ZNF565: variants seen among roughly 807,000 people sequenced by gnomAD.
The protein encoded by ZNF565 is zinc finger protein 565.
ZNF565 carries 27 observed loss-of-function variants against 39.4 expected under a neutral mutation model. That is an observed-to-expected ratio of 0.69 (90% confidence interval 0.51 to 0.95). The LOEUF (loss-of-function observed/expected upper bound fraction) is 0.95, where lower values mean the gene tolerates loss of function less well. Ranked by LOEUF, ZNF565 falls within the 40% of genes least tolerant of loss-of-function variation. ZNF565 has a pLI of 0.00. For synonymous variants in ZNF565, 185 were observed against 216.6 expected, an observed-to-expected ratio of 0.85 and a Z score of 1.28; for missense variants, 524 against 621.1, an observed-to-expected ratio of 0.84 and a Z score of 1.66.
Position 36,182,629 on chromosome 19 carries a change from G to C in ZNF565, c.1337C>G (p.Pro446Arg). The change falls in exon 5 of 5, where the codon CCC becomes CGC. Residue 446 changes from proline (P) to arginine (R), a missense_variant. Coordinates refer to ENST00000304116, the MANE Select transcript of ZNF565 (RefSeq NM_152477.5). ...HHQRIHTCEK[P>R]YECRECGMAF... ...CATTCCACACTCCCTGCATTCATAG[G>C]GTTTCTCACAAGTGTGAATTCGCTG... 1 of 1,614,088 alleles carries C rather than the reference G, an allele frequency of 6.2e-7. No homozygotes were observed. The highest frequency in any genetic ancestry group is 8.5e-7 in the Non-Finnish European group (1 of 1,179,972).
At chr19:36,223,361 A>T (rs1273271056) in intron 1 of ZNF565, among the ~76,000 whole-genome samples, 2 of 150,764 alleles carry the variant, frequency 1.3e-5, no homozygotes. Context: ...AAAAAAATCT[A>T]GTTACATTTT....
At chr19:36,222,017 A>G (rs775889530) in intron 1 of ZNF565, among the ~76,000 whole-genome samples, 3 of 147,562 alleles carry the variant, frequency 2.0e-5, no homozygotes, top group Non-Finnish European at 3.0e-5. Flanking sequence ...GCAGCCTCCA[A>G]CTGCTGGGCT....
chr19:36,237,762 T>A (rs1977698655), intron 1 of ZNF565: 2 of 167,446 alleles, frequency 1.2e-5, no homozygotes, highest in African/African-American at 4.8e-5. Flanking sequence ...AAAAAAGACC[T>A]ATGCATTTAT....
At chr19:36,221,819 C>A (rs1976852863) in intron 1 of ZNF565, among the ~76,000 whole-genome samples, 1 of 151,686 alleles carries the variant, frequency 6.6e-6, no homozygotes, top group Non-Finnish European at 1.5e-5. Context: ...TCTCTTCACT[C>A]CTGTTTCCCT....
At chr19:36,213,309 C>T (rs1013315676) in intron 1 of ZNF565, 2 of 152,302 alleles carry the variant, frequency 1.3e-5, no homozygotes, top group African/African-American at 2.4e-5. Context: ...CTCTCAAGCT[C>T]GAGATCCTCC....
intron 3 of ZNF565, chr19:36,194,806 G>A: frequency 3.0e-6 from 2 of 656,502 alleles, no homozygotes; most frequent in African/African-American, 1.8e-5. Context: ...AGGAGAGAGA[G>A]CACCAGGCAT....
intron 1 of ZNF565, 98 bp from the exon 2 acceptor site, chr19:36,202,148 A>G: frequency 1.4e-6 from 1 of 698,158 alleles, no homozygotes. Context: ...TGTACTTCCA[A>G]TGTCTCGGAT....
intron 1 of ZNF565, among the ~76,000 whole-genome samples, chr19:36,222,628 G>T (rs752293693): frequency 1.3e-5 from 2 of 150,798 alleles, no homozygotes; most frequent in Non-Finnish European, 2.9e-5. Context: ...TTATGAATGA[G>T]AATTTTTTTT....
Position 36,183,502 on chromosome 19 carries a change from G to A in ZNF565, c.464C>T (p.Thr155Ile), listed in dbSNP as rs369357053. 11 of 1,614,094 alleles carry A rather than the reference G, an allele frequency of 6.8e-6. No homozygotes were observed. The highest frequency in any genetic ancestry group is 9.3e-6 in the Non-Finnish European group (11 of 1,180,062). Residue 155 changes from threonine (T) to isoleucine (I), a missense_variant, in exon 5 of 5, where the codon ACT becomes ATT. Transcript: ENST00000304116. ...MPVFQHHTSHTVRQSRETGEK... is the reference protein window; with the variant it reads ...MPVFQHHTSHIVRQSRETGEK... ...ACCAGTCTCCCTGCTCTGACGTACAGTGTGAGACGTGTGATGCTGGAACAC... is the reference window on the plus strand; with the variant it reads ...ACCAGTCTCCCTGCTCTGACGTACAATGTGAGACGTGTGATGCTGGAACAC...
chr19:36,206,603 C>T (rs768237179), intron 1 of ZNF565, among the ~76,000 whole-genome samples: 3 of 151,894 alleles, frequency 2.0e-5, no homozygotes, highest in Admixed American at 6.6e-5. Flanking sequence ...GGGCGAGGCA[C>T]GCGGATCACT....
chr19:36,198,936 T>G (rs1170923359), intron 2 of ZNF565, among the ~76,000 whole-genome samples: 1 of 152,182 alleles, frequency 6.6e-6, no homozygotes, highest in African/African-American at 2.4e-5. Flanking sequence ...GTAACTGGAT[T>G]GTTTATAACT....
intron 1 of ZNF565, among the ~76,000 whole-genome samples, chr19:36,242,874 T>G (rs1278401614): frequency 3.9e-5 from 6 of 152,256 alleles, no homozygotes; most frequent in Non-Finnish European, 8.8e-5. Context: ...CATGGTCATC[T>G]GCTGATTTTC....
chr19:36,219,428 A>C (rs1042071108), upstream of ZNF565, among the ~76,000 whole-genome samples: 6 of 152,050 alleles, frequency 3.9e-5, no homozygotes, highest in East Asian at 9.6e-4. Context: ...GAAAGTCATC[A>C]TTATCCGCTC....
At chr19:36,232,208 A>C (rs1977411070) in intron 1 of ZNF565, among the ~76,000 whole-genome samples, 2 of 152,182 alleles carry the variant, frequency 1.3e-5, no homozygotes, top group Admixed American at 6.5e-5. Context: ...AAAAAAAAAA[A>C]AAAACATACA....
intron 1 of ZNF565, chr19:36,238,866 G>A (rs928494113): frequency 3.1e-5 from 5 of 159,372 alleles, no homozygotes; most frequent in South Asian, 2.1e-4. Flanking sequence ...GCGGGTGAGC[G>A]AGCATTGCCA....
intron 4 of ZNF565, among the ~76,000 whole-genome samples, chr19:36,188,793 T>G (rs545686344): frequency 2.6e-5 from 4 of 151,672 alleles, no homozygotes; most frequent in African/African-American, 9.7e-5. Flanking sequence ...TATGTACACA[T>G]GTATATTAGT....
chr19:36,214,295 A>G (rs1976493680), intron 1 of ZNF565, among the ~76,000 whole-genome samples: 1 of 151,412 alleles, frequency 6.6e-6, no homozygotes, highest in African/African-American at 2.4e-5. Flanking sequence ...ACAACCGCAC[A>G]CCCGCAGTGG....
intron 4 of ZNF565, among the ~76,000 whole-genome samples, chr19:36,186,153 C>T (rs374448353): frequency 3.3e-5 from 5 of 152,078 alleles, no homozygotes; most frequent in African/African-American, 7.2e-5. Flanking sequence ...TGTGCTGCCA[C>T]GCCCGGCCAA....
rs975198971 is a variant in ZNF565, at chr19:36,245,345, A to G, written c.55+131T>C. ...CTAAGCCGAGGGGCTGCTGCCGGACATTCTAGGGTCTGATCTGGCGGGCTC... is the reference window on the plus strand; with the variant it reads ...CTAAGCCGAGGGGCTGCTGCCGGACGTTCTAGGGTCTGATCTGGCGGGCTC... On this transcript the variant is annotated intron_variant, in intron 1 of 4. Coordinates refer to the ZNF565 transcript ENST00000355114. The surrounding 1 kb of genome is among the most constrained non-coding windows in gnomAD (Gnocchi z 4.4). 7.6e-6 allele frequency: 5 copies of G among 657,704 alleles called. No homozygotes were observed. The highest frequency in any genetic ancestry group is 6.6e-5 in the South Asian group (4 of 60,656). 40.7% of individuals were successfully genotyped at this position (657,704 alleles called of 1,614,324 possible).
Sources: allele counts gnomAD v4.1 joint callset (sites outside exome capture counted in the v4.1 genomes callset), GRCh38; gene constraint gnomAD v4.1.1; non-coding constraint Gnocchi (gnomAD v3.1); transcripts MANE v1.5; gene names NCBI Gene and HGNC (gene_info 2026-07-23, HGNC 2026-07-21).